MPDZ: variants seen among roughly 807,000 people sequenced by gnomAD.
MPDZ encodes the protein multiple PDZ domain protein.
A neutral mutation model predicts 239.1 loss-of-function variants in MPDZ; 234 were observed. The observed-to-expected ratio is 0.98, with a 90% CI of 0.88 to 1.09. The LOEUF is 1.09. Ranked by LOEUF, MPDZ falls within the 50% of genes least tolerant of loss-of-function variation. The pLI is 0.00. For synonymous variants in MPDZ, 1,048 were observed against 881.3 expected, an observed-to-expected ratio of 1.19 and a Z score of -3.35; for missense variants, 3,175 against 2,510.0, an observed-to-expected ratio of 1.26 and a Z score of -5.66.
intron 10 of MPDZ, among the ~76,000 whole-genome samples, chr9:13,214,632 T>C (rs1233479932): frequency 1.3e-5 from 2 of 152,080 alleles, no homozygotes; most frequent in Non-Finnish European, 2.9e-5. Context: ...TAATATAGAT[T>C]ACTTAGGAGA....
At chr9:13,133,956 G>C (rs1418810794) in intron 31 of MPDZ, 52 bp from the exon 32 acceptor site, 13 of 1,052,956 alleles carry the variant, frequency 1.2e-5, no homozygotes, top group South Asian at 5.5e-5. Flanking sequence ...TAGGAAATTT[G>C]ATTTGTTTAA....
intron 1 of MPDZ, among the ~76,000 whole-genome samples, chr9:13,272,918 C>T (rs879725821): frequency 1.3e-5 from 2 of 151,978 alleles, no homozygotes; most frequent in African/African-American, 2.4e-5. Flanking sequence ...TATATTCCCC[C>T]CAAATTCATA....
Position 13,223,560 on chromosome 9 carries a change from G to T in MPDZ, c.533+11C>A. ...GGATCAAAAACAAAGAAGACGCCGC[G>T]ACCATCTCACCTATGGGCCACACTG... On this transcript the variant is annotated intron_variant, in intron 5 of 46. Coordinates refer to ENST00000319217, the MANE Select transcript of MPDZ (RefSeq NM_001378778.1). The T allele has an allele frequency of 3.8e-6, 6 of 1,596,200 alleles. No individual in the cohort carries two copies. In the South Asian group the frequency reaches 6.9e-5, roughly 18 times the overall value.
chr9:13,247,590 T>C (rs1361567078), intron 3 of MPDZ, 45 bp downstream of exon 3: 2 of 1,570,056 alleles, frequency 1.3e-6, no homozygotes, highest in African/African-American at 2.7e-5. Flanking sequence ...TTTCACAAGA[T>C]CTATGCCATG....
At position 13,278,439 on chromosome 9, in the gene MPDZ, T is replaced by C. The variant is rs1339688778; in HGVS notation, c.-58+961A>G. ...CCCGCCGGCGCCTGGCCACTTCTCC[T>C]CCCCCGCAGTCTCCGCTTGATTTCC... On this transcript the variant is annotated intron_variant, in intron 1 of 46. Transcript: ENST00000319217. Among the ~76,000 whole-genome samples the C allele has an allele frequency of 2.0e-5, 3 of 151,796 alleles. No individual in the cohort carries two copies. In the East Asian group the frequency reaches 5.8e-4, roughly 29 times the overall value.
At chr9:13,212,502 C>T (rs1028406969) in intron 10 of MPDZ, among the ~76,000 whole-genome samples, 2 of 151,878 alleles carry the variant, frequency 1.3e-5, no homozygotes, top group Non-Finnish European at 1.5e-5. Flanking sequence ...AATATAATCA[C>T]ACCCATGCTA....
At chr9:13,229,154 C>A (rs1961596416) in intron 3 of MPDZ, among the ~76,000 whole-genome samples, 1 of 151,986 alleles carries the variant, frequency 6.6e-6, no homozygotes, top group South Asian at 2.1e-4. Flanking sequence ...TCAGAGTAAC[C>A]TTTCCACTGA....
chr9:13,207,141 A>C (rs1314448555), intron 10 of MPDZ, among the ~76,000 whole-genome samples: 1 of 152,164 alleles, frequency 6.6e-6, no homozygotes, highest in Non-Finnish European at 1.5e-5. Flanking sequence ...TGGCCTTTCA[A>C]AAAAGAAAGA....
intron 1 of MPDZ, among the ~76,000 whole-genome samples, chr9:13,269,982 T>C (rs568978144): frequency 2.6e-5 from 4 of 152,340 alleles, no homozygotes; most frequent in South Asian, 2.1e-4. Flanking sequence ...TGTAACAAGC[T>C]ACACTATTTA....
At chr9:13,278,910 G>C (rs558307336) in intron 1 of MPDZ, 1 of 152,296 alleles carries the variant, frequency 6.6e-6, no homozygotes, top group South Asian at 2.1e-4. Flanking sequence ...GAGAGCAACA[G>C]GCTCCCGCGC....
chr9:13,274,029 A>G (rs1973608802), intron 1 of MPDZ, among the ~76,000 whole-genome samples: 1 of 152,172 alleles, frequency 6.6e-6, no homozygotes, highest in Non-Finnish European at 1.5e-5. Context: ...TCCATTTGTT[A>G]TATCAAAATA....
chr9:13,133,862 T>C lies in MPDZ; in HGVS notation c.4426A>G (p.Ser1476Gly). Residue 1476 changes from serine to glycine, a missense_variant, in exon 32 of 47, where the codon AGT becomes GGT. Ser to Gly is a moderately conservative substitution (Grantham distance 56). Transcript: ENST00000319217. ...VTTSDAAVDL[S>G]SFKNVQHLEL... is the part of the protein sequence containing the mutation. ...AGATGTTGCACATTTTTAAATGAAC[T>C]GAGGTCCACAGCTGCATCAGAAGTA... 1 of 1,606,942 alleles carries C rather than the reference T, an allele frequency of 6.2e-7. No individual in the cohort carries two copies. Among genetic ancestry groups the C allele is most frequent in the Non-Finnish European group, 8.5e-7 (1 of 1,175,708 alleles).
intron 23 of MPDZ, among the ~76,000 whole-genome samples, chr9:13,159,396 G>C (rs568232885): frequency 1.3e-5 from 2 of 152,134 alleles, no homozygotes; most frequent in Non-Finnish European, 2.9e-5. Context: ...CTGACACTAG[G>C]GTAGGACTGG....
At chr9:13,209,206 G>C (rs1275700178) in intron 10 of MPDZ, among the ~76,000 whole-genome samples, 2 of 152,062 alleles carry the variant, frequency 1.3e-5, no homozygotes, top group African/African-American at 2.4e-5. Flanking sequence ...AGTACTAAAG[G>C]CCATACTAAG....
chr9:13,136,685 G>C (rs1946867122), intron 30 of MPDZ, 27 bp downstream of exon 30: 1 of 1,357,648 alleles, frequency 7.4e-7, no homozygotes, highest in Non-Finnish European at 1.0e-6. Context: ...AAAAGTATTT[G>C]GTAAACTAGC....
chr9:13,177,009 G>A (rs1035692615), intron 19 of MPDZ, among the ~76,000 whole-genome samples: 6 of 152,000 alleles, frequency 3.9e-5, no homozygotes, highest in Admixed American at 6.6e-5. Context: ...ATAGTAAGAC[G>A]GGTTGTCATA....
Position 13,113,870 on chromosome 9 carries a change from C to CA in MPDZ, c.5557+60dup, listed in dbSNP as rs988102094. On this transcript the variant is annotated intron_variant, in intron 41 of 46. Transcript: ENST00000319217. The stretch of plus-strand genomic sequence containing the variant: ...AAAGAAAGCTCAGAGGTAAACAAGA[C>CA]AAAAAAATCAGTGTTGACAGCCAAA... 1.1e-5 allele frequency: 14 copies of CA among 1,311,908 alleles called. No homozygotes were observed. The Admixed American group carries it at 1.2e-4, about 11-fold the overall frequency. 81.3% of individuals were successfully genotyped at this position (1,311,908 alleles called of 1,614,324 possible). A position where few individuals can be genotyped will look rare whatever the true frequency, so the allele number is the denominator to read the frequency against.
At chr9:13,192,364 T>C (rs1955052504) in intron 14 of MPDZ, 69 bp from the exon 15 acceptor site, 16 of 1,354,796 alleles carry the variant, frequency 1.2e-5, no homozygotes, top group Non-Finnish European at 1.6e-5. Context: ...AACACAATTT[T>C]TTTATTAAAT....
intron 23 of MPDZ, among the ~76,000 whole-genome samples, 178 bp from the exon 24 acceptor site, chr9:13,158,288 T>A (rs761441287): frequency 6.6e-6 from 1 of 152,110 alleles, no homozygotes; most frequent in Non-Finnish European, 1.5e-5. Flanking sequence ...CAAACAAAAT[T>A]AAAACCTTGC....
Sources: allele counts gnomAD v4.1 joint callset (sites outside exome capture counted in the v4.1 genomes callset), GRCh38; gene constraint gnomAD v4.1.1; transcripts MANE v1.5; gene names NCBI Gene and HGNC (gene_info 2026-07-23, HGNC 2026-07-21).